MTMR8: variants seen among roughly 807,000 people sequenced by gnomAD.
The protein encoded by MTMR8 is phosphatidylinositol-3,5-bisphosphate 3-phosphatase MTMR8.
A neutral mutation model predicts 39.3 loss-of-function variants in MTMR8; 65 were observed. The ratio of observed to expected loss-of-function variants is 1.65; its 90% CI spans 1.35 to 2.03. The LOEUF (loss-of-function observed/expected upper bound fraction) is 2.03, where lower values mean the gene tolerates loss of function less well. Among genes scored for constraint, MTMR8 ranks in the 30% most tolerant of loss-of-function variants. The pLI is 0.00. For missense variants in MTMR8, 777 were observed against 538.9 expected (o/e 1.44, Z -4.37); for synonymous variants, 245 against 185.2 (o/e 1.32, Z -2.62).
At chrX:64,294,105 A>T (rs763188458) in intron 12 of MTMR8, among the ~76,000 whole-genome samples, 54 of 111,903 alleles carry the variant, frequency 4.8e-4, no homozygotes, top group African/African-American at 1.7e-3. Flanking sequence ...TCACCTGTCA[A>T]TCCTCTGGTA....
intron 6 of MTMR8, 138 bp from the exon 7 acceptor site, chrX:64,345,315 G>A: frequency 8.4e-6 from 5 of 597,377 alleles, no homozygotes; most frequent in Non-Finnish European, 1.2e-5. Flanking sequence ...GATACATTCT[G>A]GAATGGAGAG....
At chrX:64,283,333 G>A (rs779359436) in intron 12 of MTMR8, among the ~76,000 whole-genome samples, 33 of 112,178 alleles carry the variant, frequency 2.9e-4, no homozygotes, top group Admixed American at 4.7e-4. Context: ...CTGGAAGCTC[G>A]AAATGGGTGG....
chrX:64,312,434 C>G (rs939565255), intron 12 of MTMR8, among the ~76,000 whole-genome samples: 2 of 111,895 alleles, frequency 1.8e-5, no homozygotes, highest in African/African-American at 6.5e-5. Flanking sequence ...CGGATGCCCT[C>G]TCTCACCACT....
chrX:64,294,240 A>G (rs1217052342), intron 12 of MTMR8, among the ~76,000 whole-genome samples: 2 of 111,887 alleles, frequency 1.8e-5, no homozygotes, highest in African/African-American at 6.5e-5. Context: ...TCAAAACAAC[A>G]TAGATAAATG....
rs775830468 is a variant in MTMR8, at chrX:64,275,493, C to T, written c.1482-4420G>A. Among the ~76,000 whole-genome samples the T allele has an allele frequency of 2.0e-4, 22 of 108,544 alleles. No homozygotes were observed. The South Asian group carries it at 7.3e-3, about 36-fold the overall frequency. 94.3% of individuals were successfully genotyped at this position (108,544 alleles called of 115,157 possible). On this transcript the variant is annotated intron_variant, in intron 12 of 13. Transcript: ENST00000374852. ...GGAGAACTGTTTGAGGCCAGGAGTT[C>T]GAGACCAGCCTGGACTACATAGAGA...
chrX:64,271,572 C>G (rs1931761446), intron 12 of MTMR8, among the ~76,000 whole-genome samples: 1 of 111,990 alleles, frequency 8.9e-6, no homozygotes, highest in Non-Finnish European at 1.9e-5. Flanking sequence ...GTAGAAAAAG[C>G]AGAAACATCC....
intron 12 of MTMR8, among the ~76,000 whole-genome samples, chrX:64,304,553 T>A (rs1326418028): frequency 9.0e-6 from 1 of 110,779 alleles, no homozygotes; most frequent in African/African-American, 3.3e-5. Flanking sequence ...GGCATCCAAT[T>A]CTCTTTTACG....
chrX:64,302,984 G>T (rs1921953588), intron 12 of MTMR8, among the ~76,000 whole-genome samples: 1 of 112,235 alleles, frequency 8.9e-6, no homozygotes, highest in African/African-American at 3.2e-5. Context: ...GGATGGCCTC[G>T]TGCTGTGAAG....
rs1923408948 is a variant in MTMR8, at chrX:64,348,729, G to T, written c.663C>A (p.Leu221=). Residue 221 remains leucine, a synonymous_variant, in exon 6 of 14, where the codon CTC becomes CTA. Transcript: ENST00000374852. The part of the protein sequence containing the change: ...GFYTRCVDDE[L]LLEAISQTNP... The stretch of plus-strand genomic sequence containing the variant: ...TTGTTTGGCTAATGGCCTCCAACAA[G>T]AGCTCATCATCTACACAGCGAGTGT... The T allele has an allele frequency of 8.3e-7, 1 of 1,210,653 alleles. No homozygotes were observed. The highest frequency in any genetic ancestry group is 1.7e-5 in the African/African-American group (1 of 57,707).
intron 12 of MTMR8, among the ~76,000 whole-genome samples, chrX:64,300,760 A>T (rs1283630647): frequency 9.5e-6 from 1 of 104,827 alleles, no homozygotes; most frequent in Non-Finnish European, 2.0e-5. Flanking sequence ...GAGCTCTTGT[A>T]GGGCAGGCCT....
chrX:64,286,658 G>A (rs746269834), intron 12 of MTMR8, among the ~76,000 whole-genome samples: 15 of 111,629 alleles, frequency 1.3e-4, no homozygotes, highest in Non-Finnish European at 2.8e-4. Flanking sequence ...CTGGTTCAAT[G>A]TACACAAATC....
At position 64,337,375 on chromosome X, in the gene MTMR8, C is replaced by T. The variant is rs768621302; in HGVS notation, c.994G>A (p.Ala332Thr). The T allele has an allele frequency of 8.3e-6, 10 of 1,207,146 alleles. No individual in the cohort carries two copies. The highest frequency in any genetic ancestry group is 5.3e-5 in the African/African-American group (3 of 56,918). Residue 332 changes from alanine to threonine, a missense_variant, in exon 9 of 14, where the codon GCC becomes ACC. Coordinates refer to ENST00000374852, the MANE Select transcript of MTMR8 (RefSeq NM_017677.4). ...FITKAVKVEK[A>T]SVLVHCSDGW... is the part of the protein sequence containing the mutation. ...TCAGAACAATGGACTAAGACACTGG[C>T]CTTTTCTACCTTCACTGCCTGTGAA...
At chrX:64,380,765 C>A (rs768715195) in intron 1 of MTMR8, among the ~76,000 whole-genome samples, 5 of 111,047 alleles carry the variant, frequency 4.5e-5, no homozygotes, top group Non-Finnish European at 7.5e-5. Context: ...CTACAACAGG[C>A]CCTGGTTTGT....
At chrX:64,283,563 G>C (rs924142704) in intron 12 of MTMR8, among the ~76,000 whole-genome samples, 2 of 112,187 alleles carry the variant, frequency 1.8e-5, no homozygotes, top group African/African-American at 3.2e-5. Flanking sequence ...GCCTAGCTGG[G>C]AGACACCCCC....
At chrX:64,296,986 G>A (rs1162443319) in intron 12 of MTMR8, among the ~76,000 whole-genome samples, 1 of 102,478 alleles carries the variant, frequency 9.8e-6, no homozygotes, top group African/African-American at 3.6e-5. Flanking sequence ...ATCATTGTTG[G>A]ACATTTGGCT....
intron 4 of MTMR8, among the ~76,000 whole-genome samples, chrX:64,352,974 G>A (rs1923523409): frequency 9.0e-6 from 1 of 111,369 alleles, no homozygotes; most frequent in Non-Finnish European, 1.9e-5. Context: ...ATTTGGTCAC[G>A]AAGCGCTTTA....
intron 8 of MTMR8, among the ~76,000 whole-genome samples, chrX:64,338,833 C>T (rs757260274): frequency 9.0e-6 from 1 of 111,712 alleles, no homozygotes; most frequent in Non-Finnish European, 1.9e-5. Flanking sequence ...AACATTTTAA[C>T]AGGACAGAGT....
chrX:64,276,434 T>G (rs2147127419), intron 12 of MTMR8, among the ~76,000 whole-genome samples: 1 of 111,604 alleles, frequency 9.0e-6, no homozygotes, highest in South Asian at 3.8e-4. Context: ...TACTATAAAT[T>G]TCCCTCTAAA....
intron 12 of MTMR8, among the ~76,000 whole-genome samples, chrX:64,325,423 C>T (rs1489604937): frequency 9.0e-6 from 1 of 111,470 alleles, no homozygotes; most frequent in African/African-American, 3.3e-5. Context: ...TTCAATAGCA[C>T]ATTAAAAAGA....
Sources: allele counts gnomAD v4.1 joint callset (sites outside exome capture counted in the v4.1 genomes callset), GRCh38; gene constraint gnomAD v4.1.1; transcripts MANE v1.5; gene names NCBI Gene and HGNC (gene_info 2026-07-23, HGNC 2026-07-21).